TXNDC16: variants seen among roughly 807,000 people sequenced by gnomAD.
TXNDC16 encodes the protein thioredoxin domain-containing protein 16.
Under a neutral mutation model 85.6 loss-of-function variants are expected in TXNDC16, and 74 were observed. The ratio of observed to expected loss-of-function variants is 0.86; its 90% CI spans 0.72 to 1.05. TXNDC16 has a LOEUF of 1.05. Among genes scored for constraint, TXNDC16 ranks in the 50% least tolerant of loss-of-function variants. The probability of loss-of-function intolerance (pLI) is 0.00; values close to 1 mark genes in which losing one functional copy is unlikely to be tolerated. For synonymous variants in TXNDC16, 335 were observed against 326.5 expected, an observed-to-expected ratio of 1.03 and a Z score of -0.28; for missense variants, 959 against 947.0, an observed-to-expected ratio of 1.01 and a Z score of -0.17.
At position 52,495,418 on chromosome 14, in the gene TXNDC16, A is replaced by T. The variant is rs534635368; in HGVS notation, c.757-4413T>A. 1.3e-4 allele frequency among the ~76,000 whole-genome samples: 20 copies of T among 152,324 alleles called. No individual in the cohort carries two copies. The South Asian group carries it at 4.1e-3, about 32-fold the overall frequency. On this transcript the variant is annotated intron_variant, in intron 9 of 20. Transcript: ENST00000281741. Reference sequence around the variant, plus strand: ...AGAGGCACATGACATTTTGTGAAACATAGCCATTAATGATATATGAAGTCA... The same window carrying T: ...AGAGGCACATGACATTTTGTGAAACTTAGCCATTAATGATATATGAAGTCA...
intron 6 of TXNDC16, among the ~76,000 whole-genome samples, chr14:52,522,357 C>A (rs1399145211): frequency 6.6e-6 from 1 of 152,148 alleles, no homozygotes; most frequent in Non-Finnish European, 1.5e-5. Context: ...GCTGCCCACT[C>A]CCTTTTGCTT....
intron 7 of TXNDC16, among the ~76,000 whole-genome samples, chr14:52,516,455 G>C (rs952717005): frequency 6.6e-6 from 1 of 152,106 alleles, no homozygotes; most frequent in Non-Finnish European, 1.5e-5. Flanking sequence ...TAAGAAGTTC[G>C]ATGCTATTCT....
At chr14:52,513,486 A>T (rs1381040059) in intron 8 of TXNDC16, among the ~76,000 whole-genome samples, 2 of 152,112 alleles carry the variant, frequency 1.3e-5, no homozygotes, top group African/African-American at 4.8e-5. Context: ...TGAAGAAATG[A>T]TATTCCAAAC....
intron 9 of TXNDC16, among the ~76,000 whole-genome samples, chr14:52,494,826 C>A (rs941381701): frequency 6.6e-6 from 1 of 152,196 alleles, no homozygotes; most frequent in Non-Finnish European, 1.5e-5. Context: ...AGGAATTAAG[C>A]ATGTTTTCCC....
At chr14:52,495,722 A>T (rs2036516411) in intron 9 of TXNDC16, among the ~76,000 whole-genome samples, 1 of 151,956 alleles carries the variant, frequency 6.6e-6, no homozygotes, top group Admixed American at 6.6e-5. Context: ...TCTCTCCAAG[A>T]CTCCTAAAGC....
rs528009522 is a variant in TXNDC16, at chr14:52,487,580, A to C, written c.1108+783T>G. 5.3e-5 allele frequency among the ~76,000 whole-genome samples: 8 copies of C among 152,362 alleles called. No individual in the cohort carries two copies. The South Asian group carries it at 1.7e-3, about 32-fold the overall frequency. ...AAGATGTATCAGAAATAATTATTTC[A>C]CTATTGCCCAACTGTTACACTTAAA... On this transcript the variant is annotated intron_variant, in intron 12 of 20. Coordinates refer to ENST00000281741, the MANE Select transcript of TXNDC16 (RefSeq NM_020784.3).
At chr14:52,493,454 A>AC (rs2036460630) in intron 9 of TXNDC16, among the ~76,000 whole-genome samples, 1 of 152,098 alleles carries the variant, frequency 6.6e-6, no homozygotes, top group Non-Finnish European at 1.5e-5. Context: ...AGACAACCTC[A>AC]AGGAGATGGG....
At chr14:52,456,234 T>C (rs924316421) in intron 17 of TXNDC16, among the ~76,000 whole-genome samples, 1 of 152,226 alleles carries the variant, frequency 6.6e-6, no homozygotes, top group African/African-American at 2.4e-5. Context: ...AACCTCTTAG[T>C]TGACCAGTTG....
chr14:52,539,916 A>G (rs1048944017), intron 4 of TXNDC16, among the ~76,000 whole-genome samples: 2 of 152,230 alleles, frequency 1.3e-5, no homozygotes, highest in Non-Finnish European at 2.9e-5. Context: ...GGGAAACAAG[A>G]AGGAGAATTA....
At chr14:52,483,033 T>A (rs752569442) in intron 12 of TXNDC16, 68 bp from the exon 13 acceptor site, 1 of 1,293,310 alleles carries the variant, frequency 7.7e-7, no homozygotes, top group Non-Finnish European at 1.1e-6. Context: ...GCTCTTCTCA[T>A]AGGAAGCATA....
intron 6 of TXNDC16, among the ~76,000 whole-genome samples, chr14:52,536,158 G>A (rs2037695664): frequency 6.6e-6 from 1 of 152,108 alleles, no homozygotes; most frequent in African/African-American, 2.4e-5. Context: ...GAGGTTATAA[G>A]GGCAGAGCCC....
chr14:52,533,908 C>T (rs1254247954), intron 6 of TXNDC16, among the ~76,000 whole-genome samples: 2 of 152,118 alleles, frequency 1.3e-5, no homozygotes, highest in African/African-American at 2.4e-5. Flanking sequence ...GGTAGCGGGG[C>T]TAGGAATGCA....
chr14:52,440,662 C>G lies in TXNDC16; in HGVS notation c.1905G>C (p.Leu635Phe). ...YFRLQKPLLI[L>F]FSDGTVNPQY... ...GAGGATTTACAGTGCCATCACTGAACAAAATCAATAATGGTTTCTGAAGTC... is the reference window on the plus strand; with the variant it reads ...GAGGATTTACAGTGCCATCACTGAAGAAAATCAATAATGGTTTCTGAAGTC... Residue 635 changes from leucine to phenylalanine, a missense_variant, in exon 19 of 21, where the codon TTG becomes TTC. By Grantham distance (22) the Leu-to-Phe change is conservative. Coordinates refer to ENST00000281741, the MANE Select transcript of TXNDC16 (RefSeq NM_020784.3). 6.2e-7 allele frequency: 1 copy of G among 1,610,216 alleles called. No homozygotes were observed. The highest frequency in any genetic ancestry group is 1.3e-5 in the African/African-American group (1 of 74,812).
At chr14:52,542,529 T>C (rs2037854017) in intron 3 of TXNDC16, 76 bp from the exon 4 acceptor site, 2 of 997,980 alleles carry the variant, frequency 2.0e-6, no homozygotes, top group Non-Finnish European at 3.1e-6. Flanking sequence ...AAACACAGAA[T>C]AGATTCATTT....
intron 18 of TXNDC16, among the ~76,000 whole-genome samples, chr14:52,449,099 T>C (rs1314203556): frequency 6.6e-6 from 1 of 151,396 alleles, no homozygotes; most frequent in Non-Finnish European, 1.5e-5. Context: ...TTATCAATAA[T>C]AACATTAAAT....
intron 6 of TXNDC16, among the ~76,000 whole-genome samples, chr14:52,520,798 C>CA (rs1230987171): frequency 6.6e-6 from 1 of 151,934 alleles, no homozygotes; most frequent in Non-Finnish European, 1.5e-5. Context: ...CTTAAATAAA[C>CA]AAAGGTTCAC....
intron 6 of TXNDC16, among the ~76,000 whole-genome samples, chr14:52,520,856 T>C (rs549275328): frequency 6.6e-6 from 1 of 152,086 alleles, no homozygotes; most frequent in Non-Finnish European, 1.5e-5. Flanking sequence ...TCCTATAAAG[T>C]TTTTCCTAAT....
At position 52,488,362 on chromosome 14, in the gene TXNDC16, C is replaced by A; in HGVS notation, c.1108+1G>T. On this transcript the variant is annotated splice_donor_variant, in intron 12 of 20. Coordinates refer to ENST00000281741, the MANE Select transcript of TXNDC16 (RefSeq NM_020784.3). LOFTEE classifies it high-confidence loss of function. ...AAGGGGTGAGAATCATAACACATTA[C>A]CTATATCTGGACCTTCCATGTCATT... is the stretch of plus-strand genomic sequence containing the variant. 6.2e-7 allele frequency: 1 copy of A among 1,613,000 alleles called. No homozygotes were observed. Among genetic ancestry groups the A allele is most frequent in the East Asian group, 2.2e-5 (1 of 44,808 alleles).
chr14:52,501,726 A>G (rs1198435126), intron 9 of TXNDC16, among the ~76,000 whole-genome samples: 1 of 152,236 alleles, frequency 6.6e-6, no homozygotes, highest in East Asian at 1.9e-4. Flanking sequence ...CTATACCATC[A>G]AAGGGTATAA....
Sources: gnomAD v4.1 joint callset for allele counts (sites outside exome capture counted in the v4.1 genomes callset) on GRCh38, gnomAD v4.1.1 for gene constraint, MANE v1.5 for transcripts, NCBI Gene and HGNC (gene_info 2026-07-23, HGNC 2026-07-21) for gene names.